FOXP2: variants seen among roughly 807,000 people sequenced by gnomAD.
The protein encoded by FOXP2 is forkhead box P2.
In FOXP2, 12 loss-of-function variants were observed where a neutral mutation model predicts 115.8. The observed-to-expected ratio is 0.10, with a 90% CI of 0.07 to 0.17. FOXP2 has a LOEUF of 0.17. Among genes scored for constraint, FOXP2 ranks in the 10% least tolerant of loss-of-function variants. The pLI is 1.00. For synonymous variants in FOXP2, 328 were observed against 297.7 expected, an observed-to-expected ratio of 1.10 and a Z score of -1.05; for missense variants, 629 against 843.5, an observed-to-expected ratio of 0.75 and a Z score of 3.15.
intron 1 of FOXP2, among the ~76,000 whole-genome samples, chr7:114,255,857 C>A (rs1243583756): frequency 2.0e-5 from 3 of 152,142 alleles, no homozygotes; most frequent in African/African-American, 4.8e-5. Context: ...GTTGGAAATG[C>A]AGAAATCACC....
intron 1 of FOXP2, among the ~76,000 whole-genome samples, chr7:114,416,910 A>T (rs1331400798): frequency 6.6e-6 from 1 of 151,574 alleles, no homozygotes; most frequent in Non-Finnish European, 1.5e-5. Flanking sequence ...TTTTTTTTTT[A>T]AACCCATGTA....
chr7:114,187,917 C>A (rs1228367189), intron 1 of FOXP2, among the ~76,000 whole-genome samples: 1 of 152,108 alleles, frequency 6.6e-6, no homozygotes, highest in Non-Finnish European at 1.5e-5. Context: ...GGGGGCTAAA[C>A]TCACCCTTTT....
intron 2 of FOXP2, among the ~76,000 whole-genome samples, chr7:114,458,632 T>C (rs987710243): frequency 1.3e-5 from 2 of 150,886 alleles, no homozygotes; most frequent in African/African-American, 4.9e-5. Context: ...ACTGCAAACT[T>C]GACCTCCTGA....
intron 2 of FOXP2, among the ~76,000 whole-genome samples, chr7:114,462,276 TG>T (rs1308452238): frequency 4.7e-5 from 1 of 21,302 alleles, no homozygotes; most frequent in Non-Finnish European, 9.4e-5. Flanking sequence ...CGAGACTCCG[TG>T]AAAAAAAAAA....
intron 1 of FOXP2, among the ~76,000 whole-genome samples, chr7:114,191,657 G>T (rs897132175): frequency 2.0e-5 from 3 of 152,130 alleles, no homozygotes; most frequent in African/African-American, 4.8e-5. Context: ...AAAGTGATTT[G>T]TAAGTACAGA....
chr7:114,636,625 T>A (rs1584977077), intron 6 of FOXP2, among the ~76,000 whole-genome samples: 1 of 31,316 alleles, frequency 3.2e-5, no homozygotes, highest in South Asian at 1.5e-3. Flanking sequence ...TGAAAAAATC[T>A]TTTTTTTTTT....
chr7:114,307,160 T>G (rs1329654239), intron 2 of FOXP2, among the ~76,000 whole-genome samples: 2 of 152,144 alleles, frequency 1.3e-5, no homozygotes, highest in South Asian at 2.1e-4. Flanking sequence ...GTTGGTGACG[T>G]TGTTGGCCAC....
intron 10 of FOXP2, among the ~76,000 whole-genome samples, chr7:114,655,573 A>G (rs1806542432): frequency 6.6e-6 from 1 of 152,168 alleles, no homozygotes; most frequent in Non-Finnish European, 1.5e-5. Context: ...GGTTTGAAAG[A>G]AGAGTGGTCA....
chr7:114,339,553 T>G (rs1404251799), intron 2 of FOXP2, among the ~76,000 whole-genome samples: 2 of 151,144 alleles, frequency 1.3e-5, no homozygotes, highest in African/African-American at 4.8e-5. Context: ...ACAGAACATT[T>G]CCTGAAGCTT....
At chr7:114,386,319 T>G (rs1032267888) in intron 2 of FOXP2, among the ~76,000 whole-genome samples, 1 of 152,144 alleles carries the variant, frequency 6.6e-6, no homozygotes, top group African/African-American at 2.4e-5. Flanking sequence ...CTGTTATGGG[T>G]TTTTTAAAGC....
At position 114,320,597 on chromosome 7, in the gene FOXP2, G is replaced by A. The variant is rs192551993; in HGVS notation, c.-11+32488G>A. ...TCACTCTGTCCTGTGTGGCAGATAG[G>A]ACTTATGTATCTTCAGAATATTTGA... On this transcript the variant is annotated intron_variant, in intron 2 of 17. Transcript: ENST00000634411. Among the ~76,000 whole-genome samples the A allele has an allele frequency of 1.8e-3, 281 of 152,238 alleles. 1 individual carries two copies. The highest frequency in any genetic ancestry group is 1.5e-3 in the Non-Finnish European group (100 of 68,026).
chr7:114,199,323 A>G (rs1793996108), intron 1 of FOXP2, among the ~76,000 whole-genome samples: 1 of 152,258 alleles, frequency 6.6e-6, no homozygotes. Flanking sequence ...TTTAGGGTCA[A>G]TTCTACTTTT....
At chr7:114,618,710 AAATCCCTC>A (rs1248602692) in intron 3 of FOXP2, among the ~76,000 whole-genome samples, 10 of 152,204 alleles carry the variant, frequency 6.6e-5, no homozygotes, top group African/African-American at 2.4e-4. Flanking sequence ...TTTTTGATGT[AAATCCCTC>A]AGGAGTCTAT....
chr7:114,666,618 A>T (rs1043956147), intron 16 of FOXP2: 2 of 152,172 alleles, frequency 1.3e-5, no homozygotes, highest in African/African-American at 4.8e-5. Flanking sequence ...CAGCATACTT[A>T]TATCTCCTAA....
Position 114,108,166 on chromosome 7 carries a change from CTGTAATG to C in FOXP2, c.-247+20333_-247+20339del, listed in dbSNP as rs1791171738. Among the ~76,000 whole-genome samples, 3 of 151,924 alleles carry C rather than the reference CTGTAATG, an allele frequency of 2.0e-5. No individual in the cohort carries two copies. In the South Asian group the frequency reaches 6.2e-4, roughly 31 times the overall value. On this transcript the variant is annotated intron_variant, in intron 1 of 19. Transcript: ENST00000635638. The stretch of plus-strand genomic sequence containing the variant: ...TTGACTGTTCAATATAAGTTTAGCA[CTGTAATG>C]TGTATTTTGAGGACACATCCATTTT...
chr7:114,391,674 A>G (rs1050408326), intron 2 of FOXP2, among the ~76,000 whole-genome samples: 1 of 152,208 alleles, frequency 6.6e-6, no homozygotes, highest in African/African-American at 2.4e-5. Flanking sequence ...CCTATTTAAA[A>G]TATACTTTTT....
intron 1 of FOXP2, among the ~76,000 whole-genome samples, chr7:114,228,992 A>T (rs990705839): frequency 2.0e-5 from 3 of 151,672 alleles, no homozygotes; most frequent in Non-Finnish European, 3.0e-5. Flanking sequence ...ACTATAAATT[A>T]TCTACAAGAG....
chr7:114,245,695 T>C (rs1795263651), intron 1 of FOXP2, among the ~76,000 whole-genome samples: 1 of 152,204 alleles, frequency 6.6e-6, no homozygotes, highest in African/African-American at 2.4e-5. Context: ...ATGCCGTGTA[T>C]CAAGAGTTTT....
chr7:114,222,819 T>G (rs553166201), intron 1 of FOXP2, among the ~76,000 whole-genome samples: 69 of 152,222 alleles, frequency 4.5e-4, no homozygotes, highest in African/African-American at 1.7e-3. Flanking sequence ...GAAAAACATC[T>G]CAGGTGAGAA....
Sources: allele counts gnomAD v4.1 joint callset (sites outside exome capture counted in the v4.1 genomes callset), GRCh38; gene constraint gnomAD v4.1.1; transcripts MANE v1.5; gene names NCBI Gene and HGNC (gene_info 2026-07-23, HGNC 2026-07-21).